MAP2: variants seen among roughly 807,000 people sequenced by gnomAD.
The protein encoded by MAP2 is microtubule-associated protein 2.
A neutral mutation model predicts 137.6 loss-of-function variants in MAP2; 14 were observed. The observed-to-expected ratio is 0.10, with a 90% CI of 0.07 to 0.16. The LOEUF is 0.16. Ranked by LOEUF, MAP2 falls within the 10% of genes least tolerant of loss-of-function variation. The probability of loss-of-function intolerance (pLI) is 1.00; values close to 1 mark genes in which losing one functional copy is unlikely to be tolerated. For missense variants in MAP2, 2,088 were observed against 2,191.5 expected, an observed-to-expected ratio of 0.95 and a Z score of 0.94; for synonymous variants, 786 against 782.3, an observed-to-expected ratio of 1.00 and a Z score of -0.08.
chr2:209,576,221 G>A (rs1460329985), intron 2 of MAP2, among the ~76,000 whole-genome samples: 1 of 152,070 alleles, frequency 6.6e-6, no homozygotes, highest in African/African-American at 2.4e-5. Flanking sequence ...GAAGTGTGAA[G>A]TTAGGTTTCT....
At position 209,731,464 on chromosome 2, in the gene MAP2, T is replaced by C. The variant is rs1357994774; in HGVS notation, c.*1067T>C. Reference sequence around the variant, plus strand: ...AGACAAAAAATTATTTTTCTTTGCTTTCACCAACATGGAGTTTGTGGGGGT... The same window carrying C: ...AGACAAAAAATTATTTTTCTTTGCTCTCACCAACATGGAGTTTGTGGGGGT... On this transcript the variant is annotated 3_prime_UTR_variant, in exon 16 of 16. Transcript: ENST00000682079. 5.9e-5 allele frequency: 9 copies of C among 152,610 alleles called. No individual in the cohort carries two copies. Among genetic ancestry groups the C allele is most frequent in the Admixed American group, 4.6e-4 (7 of 15,270 alleles). 9.5% of individuals were successfully genotyped at this position (152,610 alleles called of 1,614,324 possible).
intron 3 of MAP2, among the ~76,000 whole-genome samples, chr2:209,581,405 AC>A (rs2076381801): frequency 6.6e-6 from 1 of 152,176 alleles, no homozygotes; most frequent in African/African-American, 2.4e-5. Flanking sequence ...CAGATATTGA[AC>A]AAAAGCTAAT....
intron 4 of MAP2, among the ~76,000 whole-genome samples, chr2:209,640,483 A>G (rs1204415993): frequency 6.6e-6 from 1 of 151,882 alleles, no homozygotes; most frequent in Non-Finnish European, 1.5e-5. Flanking sequence ...TCATAACAGG[A>G]TGGTCATTCA....
chr2:209,490,776 T>C (rs2059009688), intron 1 of MAP2, among the ~76,000 whole-genome samples: 1 of 151,986 alleles, frequency 6.6e-6, no homozygotes, highest in African/African-American at 2.4e-5. Flanking sequence ...ATGCACCCAA[T>C]ACAGGAGCAC....
chr2:209,618,759 GA>G (rs1441997356), intron 3 of MAP2, among the ~76,000 whole-genome samples: 2 of 152,092 alleles, frequency 1.3e-5, no homozygotes, highest in African/African-American at 4.8e-5. Flanking sequence ...ACTACCATAT[GA>G]TCCAGCAATC....
intron 3 of MAP2, among the ~76,000 whole-genome samples, chr2:209,595,393 AC>A (rs1464200944): frequency 6.6e-6 from 1 of 152,032 alleles, no homozygotes; most frequent in Non-Finnish European, 1.5e-5. Context: ...GACATGAAGC[AC>A]CCAGTAAAAG....
At chr2:209,534,907 G>A (rs2065719581) in intron 2 of MAP2, among the ~76,000 whole-genome samples, 1 of 152,078 alleles carries the variant, frequency 6.6e-6, no homozygotes, top group Non-Finnish European at 1.5e-5. Context: ...GCTTTATTGG[G>A]ATATAATTCA....
At chr2:209,681,796 A>G (rs2153690765) in intron 7 of MAP2, among the ~76,000 whole-genome samples, 1 of 152,316 alleles carries the variant, frequency 6.6e-6, no homozygotes, top group East Asian at 1.9e-4. Context: ...ATTTGTAATT[A>G]GGTTCATTTA....
intron 1 of MAP2, among the ~76,000 whole-genome samples, chr2:209,495,854 C>A (rs1356943082): frequency 6.6e-6 from 1 of 152,146 alleles, no homozygotes; most frequent in Non-Finnish European, 1.5e-5. Context: ...AAAACAAATT[C>A]CATGATTTAG....
chr2:209,652,994 T>C (rs773856257), intron 4 of MAP2, 148 bp from the exon 5 acceptor site: 21 of 517,096 alleles, frequency 4.1e-5, no homozygotes, highest in Non-Finnish European at 5.7e-5. Context: ...AATTGACCCA[T>C]TCTTGATATT....
At chr2:209,622,430 C>T (rs1001204449) in intron 3 of MAP2, among the ~76,000 whole-genome samples, 1 of 152,124 alleles carries the variant, frequency 6.6e-6, no homozygotes, top group African/African-American at 2.4e-5. Flanking sequence ...GGGAAGGACA[C>T]TTAAACTCTC....
At chr2:209,683,378 A>G (rs2055599742) in intron 7 of MAP2, among the ~76,000 whole-genome samples, 1 of 152,204 alleles carries the variant, frequency 6.6e-6, no homozygotes, top group South Asian at 2.1e-4. Context: ...TTTTAAAAGT[A>G]TAACCATTTT....
chr2:209,577,948 T>C (rs957664734), intron 2 of MAP2, among the ~76,000 whole-genome samples: 2 of 152,324 alleles, frequency 1.3e-5, no homozygotes, highest in East Asian at 3.9e-4. Context: ...GTCTTCAGAA[T>C]GATTGCAATG....
intron 1 of MAP2, among the ~76,000 whole-genome samples, chr2:209,434,755 A>G: frequency 6.7e-6 from 1 of 149,686 alleles, no homozygotes; most frequent in East Asian, 2.0e-4. Context: ...CATAGAGTTT[A>G]AGGCTACAGT....
At chr2:209,603,240 C>CTGTGGAACTAGATTCCACTAA in intron 3 of MAP2, among the ~76,000 whole-genome samples, 1 of 152,202 alleles carries the variant, frequency 6.6e-6, no homozygotes, top group East Asian at 1.9e-4. Flanking sequence ...AACTAAATTA[C>CTGTGGAACTAGATTCCACTAA]ACTGTGGAAT....
At chr2:209,447,145 A>G (rs906943190) in intron 1 of MAP2, among the ~76,000 whole-genome samples, 2 of 152,032 alleles carry the variant, frequency 1.3e-5, no homozygotes, top group East Asian at 1.9e-4. Context: ...CTACATGGAC[A>G]TGAAATTGTG....
intron 2 of MAP2, among the ~76,000 whole-genome samples, chr2:209,514,207 A>G (rs1464645046): frequency 1.3e-5 from 2 of 152,120 alleles, no homozygotes; most frequent in Admixed American, 6.6e-5. Flanking sequence ...TTAATATACT[A>G]TGCTAAATGT....
chr2:209,487,386 T>C (rs1334873897), intron 1 of MAP2, among the ~76,000 whole-genome samples: 3 of 152,218 alleles, frequency 2.0e-5, no homozygotes, highest in African/African-American at 7.2e-5. Context: ...AATTCAGGTT[T>C]CACTCAGATG....
chr2:209,561,378 A>G (rs2153347861), intron 2 of MAP2, among the ~76,000 whole-genome samples: 1 of 152,330 alleles, frequency 6.6e-6, no homozygotes, highest in African/African-American at 2.4e-5. Context: ...GGCCATTCTG[A>G]TAAAGAATCC....
Sources: gnomAD v4.1 joint callset for allele counts (sites outside exome capture counted in the v4.1 genomes callset) on GRCh38, gnomAD v4.1.1 for gene constraint, MANE v1.5 for transcripts, NCBI Gene and HGNC (gene_info 2026-07-23, HGNC 2026-07-21) for gene names.